Variants in DRC9 observed in about 807,000 individuals in gnomAD.
DRC9 encodes the protein dynein regulatory complex subunit 9.
At chr3:197,947,922 CTTTACCTTTTTT>C in the DRC9 span, among the ~76,000 whole-genome samples, 1 of 143,946 alleles carries the variant, frequency 6.9e-6, no homozygotes, top group Non-Finnish European at 1.5e-5. Context: ...TTCACTCCTG[CTTTACCTTTTTT>C]TTTTTTTTTT....
chr3:197,904,110 ATTTTT>A, the DRC9 span, among the ~76,000 whole-genome samples: 106 of 80,782 alleles, frequency 1.3e-3, 1 homozygote, highest in African/African-American at 7.1e-3. Flanking sequence ...ATATATATAT[ATTTTT>A]TTTTTTAAAG....
the DRC9 span, among the ~76,000 whole-genome samples, chr3:197,944,444 TTTTA>T: frequency 6.7e-6 from 1 of 149,932 alleles, no homozygotes; most frequent in Non-Finnish European, 1.5e-5. Flanking sequence ...TTTTATTTTA[TTTTA>T]TTTTATTTTA....
the DRC9 span, among the ~76,000 whole-genome samples, chr3:197,903,152 C>A: frequency 6.6e-6 from 1 of 152,152 alleles, no homozygotes; most frequent in Non-Finnish European, 1.5e-5. Flanking sequence ...CTAGACTAGA[C>A]AGCTATCTCT....
the DRC9 span, among the ~76,000 whole-genome samples, chr3:197,896,586 T>C: frequency 6.6e-6 from 1 of 152,204 alleles, no homozygotes; most frequent in Non-Finnish European, 1.5e-5. Flanking sequence ...TGCCAGAGAC[T>C]GGGCGGCTCA....
the DRC9 span, chr3:197,953,614 TC>T: frequency 4.4e-6 from 2 of 458,664 alleles, no homozygotes; most frequent in Non-Finnish European, 8.8e-6. Flanking sequence ...CAGTCTTTGT[TC>T]CATGGTCACC....
At chr3:197,950,153 T>C in the DRC9 span, 26 of 1,231,524 alleles carry the variant, frequency 2.1e-5, no homozygotes, top group African/African-American at 3.4e-4. Flanking sequence ...AGTCGAAAGA[T>C]GTTTAATCCC....
the DRC9 span, among the ~76,000 whole-genome samples, chr3:197,946,950 G>A: frequency 6.6e-6 from 1 of 152,044 alleles, no homozygotes; most frequent in Non-Finnish European, 1.5e-5. Context: ...AGCCTCCCGA[G>A]TAACTGGGAT....
the DRC9 span, chr3:197,926,176 G>A: frequency 1.3e-4 from 108 of 823,768 alleles, 1 homozygote; most frequent in South Asian, 1.3e-3. Flanking sequence ...GGACCACCCC[G>A]CACATAAGAA....
At chr3:197,942,749 C>A in the DRC9 span, among the ~76,000 whole-genome samples, 1 of 151,924 alleles carries the variant, frequency 6.6e-6, no homozygotes, top group Non-Finnish European at 1.5e-5. Flanking sequence ...GAAACTCCGT[C>A]TCTACTAAAA....
chr3:197,950,504 C>T, the DRC9 span: 1 of 324,892 alleles, frequency 3.1e-6, no homozygotes, highest in East Asian at 6.4e-5. Flanking sequence ...GGCAGTGCTT[C>T]CTTCATCCGT....
chr3:197,900,145 C>T, the DRC9 span, among the ~76,000 whole-genome samples: 2 of 152,316 alleles, frequency 1.3e-5, no homozygotes, highest in African/African-American at 4.8e-5. The surrounding 1 kb of genome is among the most constrained non-coding windows in gnomAD (Gnocchi z 4.7). Flanking sequence ...CTCAGCATCT[C>T]GGGCTACGCC....
At chr3:197,907,530 T>C in the DRC9 span, among the ~76,000 whole-genome samples, 13 of 152,254 alleles carry the variant, frequency 8.5e-5, no homozygotes, top group African/African-American at 3.1e-4. Context: ...TAGAATCAAC[T>C]CGACATGTTT....
the DRC9 span, among the ~76,000 whole-genome samples, chr3:197,924,552 G>A: frequency 1.3e-5 from 2 of 151,594 alleles, no homozygotes; most frequent in South Asian, 2.1e-4. Flanking sequence ...ACGGAGTCTC[G>A]CTCTGTCACC....
the DRC9 span, among the ~76,000 whole-genome samples, chr3:197,941,124 GTCCTTCCT>G: frequency 2.7e-5 from 4 of 150,936 alleles, no homozygotes; most frequent in African/African-American, 7.4e-5. Flanking sequence ...CCATTTGTTT[GTCCTTCCT>G]TCCTTCCTTC....
chr3:197,947,102 C>T, the DRC9 span, among the ~76,000 whole-genome samples: 2 of 152,224 alleles, frequency 1.3e-5, no homozygotes, highest in South Asian at 2.1e-4. Flanking sequence ...TGAGCCAAGG[C>T]GCCCAGGCGG....
the DRC9 span, among the ~76,000 whole-genome samples, chr3:197,924,350 A>G: frequency 6.6e-6 from 1 of 152,126 alleles, no homozygotes; most frequent in East Asian, 1.9e-4. Context: ...TGGAGTGGAC[A>G]GGGTGAGACT....
At chr3:197,954,475 A>G in the DRC9 span, 3 of 386,004 alleles carry the variant, frequency 7.8e-6, no homozygotes, top group Non-Finnish European at 1.5e-5. Context: ...CTGGGACCAT[A>G]GGCGTGTGCC....
the DRC9 span, among the ~76,000 whole-genome samples, chr3:197,946,413 C>A: frequency 1.4e-3 from 171 of 123,236 alleles, 1 homozygote; most frequent in African/African-American, 5.5e-3. Flanking sequence ...CCAGCCTGGG[C>A]GACAGAGCGA....
chr3:197,955,273 CTTT>C, the DRC9 span, among the ~76,000 whole-genome samples: 1 of 143,874 alleles, frequency 7.0e-6, no homozygotes, highest in Non-Finnish European at 1.5e-5. Context: ...TTTTCTTTTT[CTTT>C]TTTTTTTTTT....
Sources: gnomAD v4.1 joint callset for allele counts (sites outside exome capture counted in the v4.1 genomes callset) on GRCh38, gnomAD v4.1.1 for gene constraint, Gnocchi (gnomAD v3.1) non-coding constraint, MANE v1.5 for transcripts, NCBI Gene and HGNC (gene_info 2026-07-23, HGNC 2026-07-21) for gene names.